The following DNAH2 variants were observed in gnomAD, a reference collection of about 807,000 sequenced individuals.
The protein encoded by DNAH2 is axonemal beta dynein heavy chain 2.
A neutral mutation model predicts 523.5 loss-of-function variants in DNAH2; 323 were observed. That is an observed-to-expected ratio of 0.62 (90% CI 0.56 to 0.68). The LOEUF is 0.68. Ranked by LOEUF, DNAH2 falls within the 30% of genes least tolerant of loss-of-function variation. The pLI, the probability that DNAH2 is intolerant of heterozygous loss-of-function variation, is 0.00. For missense variants in DNAH2, 4,907 were observed against 5,701.5 expected (o/e 0.86, Z 4.49); for synonymous variants, 2,093 against 2,177.4 (o/e 0.96, Z 1.08).
At position 7,759,542 on chromosome 17, in the gene DNAH2, A is replaced by G. The variant is rs137983751; in HGVS notation, c.2569A>G (p.Thr857Ala). 491 of 1,614,086 alleles carry G rather than the reference A, an allele frequency of 3.0e-4. No individual in the cohort carries two copies. The highest frequency in any genetic ancestry group is 4.1e-4 in the Non-Finnish European group (479 of 1,180,044). ...LSKAINGDGK[T>A]SPNPLFQVLV... ...CAAGGCTATCAACGGGGATGGAAAG[A>G]CCAGCCCAAACCCACTCTTCCAAGT... The change falls in exon 16 of 86, where the codon ACC becomes GCC. Residue 857 changes from threonine (T) to alanine (A), a missense_variant. Around this residue, in one of 3 missense-constraint regions of DNAH2, gnomAD observed 2,806 missense variants for 3,190.8 expected, o/e 0.88. Transcript: ENST00000572933.
At chr17:7,772,669 T>C (rs776089812) in intron 28 of DNAH2, among the ~76,000 whole-genome samples, 40 of 152,186 alleles carry the variant, frequency 2.6e-4, no homozygotes, top group Non-Finnish European at 4.7e-4. Flanking sequence ...AGGCCTGAGG[T>C]ATGGGGCTGT....
chr17:7,723,322 G>A (rs2074690224), intron 2 of DNAH2, among the ~76,000 whole-genome samples: 1 of 136,156 alleles, frequency 7.3e-6, no homozygotes, highest in Non-Finnish European at 1.5e-5. Flanking sequence ...ACTCAGGCTG[G>A]AGGGCAGTGG....
intron 46 of DNAH2, 70 bp from the exon 47 acceptor site, chr17:7,792,587 G>A (rs2076928861): frequency 7.4e-7 from 1 of 1,346,018 alleles, no homozygotes; most frequent in South Asian, 1.2e-5. Context: ...GTGACGTAGA[G>A]GGAAAGGAAG....
chr17:7,781,495 C>CA (rs943363533), intron 39 of DNAH2, among the ~76,000 whole-genome samples: 3 of 151,840 alleles, frequency 2.0e-5, no homozygotes, highest in Admixed American at 1.3e-4. Flanking sequence ...AAAACAAAAA[C>CA]AAAAAAACCG....
chr17:7,726,006 G>C (rs2074796591), intron 3 of DNAH2, among the ~76,000 whole-genome samples: 1 of 151,742 alleles, frequency 6.6e-6, no homozygotes, highest in African/African-American at 2.4e-5. Context: ...TTATTTATTT[G>C]TTTGTTTATT....
chr17:7,767,846 C>T (rs1229488735), intron 22 of DNAH2, 54 bp from the exon 23 acceptor site: 3 of 1,609,816 alleles, frequency 1.9e-6, no homozygotes, highest in Non-Finnish European at 2.5e-6. Context: ...GGGCGTCCGT[C>T]AGGGAGGAAG....
intron 42 of DNAH2, chr17:7,787,649 T>C (rs1336144729): frequency 2.0e-6 from 1 of 512,196 alleles, no homozygotes; most frequent in Non-Finnish European, 3.4e-6. Flanking sequence ...GGTGGGAGGA[T>C]TGCTTGAACC....
chr17:7,758,595 G>A lies in DNAH2; in HGVS notation c.2152G>A (p.Ala718Thr), dbSNP rs201468567. The A allele has an allele frequency of 2.4e-5, 38 of 1,614,060 alleles. No individual in the cohort carries two copies. The highest frequency in any genetic ancestry group is 5.3e-5 in the African/African-American group (4 of 74,912). Residue 718 changes from alanine to threonine, a missense_variant, in exon 14 of 86, where the codon GCC (alanine) becomes ACC (threonine). Transcript: ENST00000572933. Reference sequence around the variant, plus strand: ...CCCGGGACTCAAGAAACTGCACTGGGCCTTGAAGGGGGCCAGTGCCTTCTT... The same window carrying A: ...CCCGGGACTCAAGAAACTGCACTGGACCTTGAAGGGGGCCAGTGCCTTCTT... ...IHPGLKKLHW[A>T]LKGASAFFIT...
At chr17:7,727,652 A>T (rs1248852543) in intron 4 of DNAH2, among the ~76,000 whole-genome samples, 3 of 147,600 alleles carry the variant, frequency 2.0e-5, no homozygotes, top group Admixed American at 6.9e-5. Context: ...GCTACTTGGG[A>T]GGCTGAGGCA....
chr17:7,824,399 A>G lies in DNAH2; in HGVS notation c.11662+95A>G, dbSNP rs566480367. On this transcript the variant is annotated intron_variant, in intron 76 of 85. Transcript: ENST00000572933. ...TTACACTACTGTCCCTGTACCTCCC[A>G]CTTCTACAGAGGGCCCCAGAAGTGG... 99 of 1,442,692 alleles carry G rather than the reference A, an allele frequency of 6.9e-5. 1 individual carries two copies. In the African/African-American group the frequency reaches 1.1e-3, roughly 16 times the overall value. 89.4% of individuals were successfully genotyped at this position (1,442,692 alleles called of 1,614,324 possible). A position where few individuals can be genotyped will look rare whatever the true frequency, so the allele number is the denominator to read the frequency against.
At chr17:7,784,630 A>T (rs529085358) in intron 39 of DNAH2, among the ~76,000 whole-genome samples, 4 of 152,312 alleles carry the variant, frequency 2.6e-5, no homozygotes, top group East Asian at 3.9e-4. Context: ...GGAAAAGGAA[A>T]ATTGATGACT....
In DNAH2 at chr17:7,806,888, T is replaced by C. The variant is rs192315707; in HGVS notation, c.9443-262T>C. Among the ~76,000 whole-genome samples, 562 of 151,794 alleles carry C rather than the reference T, an allele frequency of 3.7e-3. 11 individuals carry two copies. Among genetic ancestry groups the C allele is most frequent in the Admixed American group, 0.034 (523 of 15,246 alleles). ...AAGTGCAAAGCAGAGAGAAAAAAAG[T>C]GAAGTGTAGGGTGGCTTGGCTGAGT... is the stretch of plus-strand genomic sequence containing the variant. On this transcript the variant is annotated intron_variant, in intron 61 of 85. Transcript: ENST00000572933.
At chr17:7,721,004 C>CTTTTTTTTTT (rs71159523) in intron 2 of DNAH2, among the ~76,000 whole-genome samples, 11 of 109,732 alleles carry the variant, frequency 1.0e-4, no homozygotes, top group Non-Finnish European at 1.7e-4. Flanking sequence ...TTCTTTCTTT[C>CTTTTTTTTTT]TTTTTTTTTT....
At chr17:7,806,528 A>G (rs1432428271) in intron 61 of DNAH2, among the ~76,000 whole-genome samples, 2 of 151,628 alleles carry the variant, frequency 1.3e-5, no homozygotes, top group African/African-American at 2.4e-5. Flanking sequence ...GTGTGGTGGC[A>G]GGCACCTGTA....
chr17:7,751,702 C>A (rs2075687942), intron 12 of DNAH2, among the ~76,000 whole-genome samples: 1 of 152,062 alleles, frequency 6.6e-6, no homozygotes, highest in Non-Finnish European at 1.5e-5. Context: ...TGTGCAGGAA[C>A]CAAACTGTTT....
intron 5 of DNAH2, among the ~76,000 whole-genome samples, chr17:7,733,894 GC>G (rs2075065248): frequency 2.0e-5 from 3 of 152,204 alleles, no homozygotes; most frequent in African/African-American, 2.4e-5. Context: ...AAATATAGGT[GC>G]TGTGGGGACA....
rs1171799775 is a variant in DNAH2 at position 7,804,486 on chromosome 17, C to A, written c.9183+20C>A. 1 of 1,609,780 alleles carries A rather than the reference C, an allele frequency of 6.2e-7. No individual in the cohort carries two copies. Among genetic ancestry groups the A allele is most frequent in the Non-Finnish European group, 8.5e-7 (1 of 1,178,648 alleles). ...CAGAAGGTCCAGGGCCCACGCCCAC[C>A]CCCCGTGCCCCACTCCCACCAGTGC... is the stretch of plus-strand genomic sequence containing the variant. On this transcript the variant is annotated intron_variant, in intron 59 of 85. Transcript: ENST00000572933.
rs961388506 is a variant in DNAH2 at position 7,823,493 on chromosome 17, G to A, written c.11194G>A (p.Asp3732Asn). Residue 3732 changes from aspartate (D) to asparagine (N), a missense_variant, in exon 74 of 86, where the codon GAT becomes AAT. This residue lies in a region of DNAH2 where 1,851 missense variants were observed against 2,139.4 expected (regional missense o/e 0.87). Transcript: ENST00000572933. ...CAATCCATGTAGTAGCTGGCTTGCA[G>A]ATGCCTACTGGGATAACATCACAGA... Reference protein sequence around the residue: ...MDNPCSSWLADAYWDNITELD... With the variant: ...MDNPCSSWLANAYWDNITELD... 6.8e-6 allele frequency: 11 copies of A among 1,614,014 alleles called. No homozygotes were observed. The highest frequency in any genetic ancestry group is 5.9e-6 in the Non-Finnish European group (7 of 1,180,026).
At chr17:7,793,463 C>CTTTCTT (rs2076964672) in intron 48 of DNAH2, among the ~76,000 whole-genome samples, 27 of 120,660 alleles carry the variant, frequency 2.2e-4, no homozygotes, top group Non-Finnish European at 4.2e-4. Context: ...TTCTTTCTTT[C>CTTTCTT]TTTCTTTCTT....
Sources: allele counts gnomAD v4.1 joint callset (sites outside exome capture counted in the v4.1 genomes callset), GRCh38; gene constraint gnomAD v4.1.1; regional missense constraint gnomAD v4.1.1; transcripts MANE v1.5; gene names NCBI Gene and HGNC (gene_info 2026-07-23, HGNC 2026-07-21).